Variants in ST8SIA6 observed in about 807,000 individuals in gnomAD.
ST8SIA6 encodes the protein alpha-2,8-sialyltransferase 8F.
ST8SIA6 carries 39 observed loss-of-function variants against 33.6 expected under a neutral mutation model. That is an observed-to-expected ratio of 1.16 (90% CI 0.90 to 1.52). The LOEUF (loss-of-function observed/expected upper bound fraction) is 1.52, where lower values mean the gene tolerates loss of function less well. Among genes scored for constraint, ST8SIA6 ranks in the 40% most tolerant of loss-of-function variants. ST8SIA6 has a pLI of 0.00. For synonymous variants in ST8SIA6, 172 were observed against 167.2 expected, an observed-to-expected ratio of 1.03 and a Z score of -0.22; for missense variants, 441 against 443.8, an observed-to-expected ratio of 0.99 and a Z score of 0.06.
chr10:17,421,228 G>T (rs767531276), intron 2 of ST8SIA6, among the ~76,000 whole-genome samples: 1 of 152,152 alleles, frequency 6.6e-6, no homozygotes, highest in South Asian at 2.1e-4. Flanking sequence ...CCAGCCTCAA[G>T]CCCCCTGTGG....
chr10:17,335,796 T>C (rs1848481287), intron 4 of ST8SIA6, among the ~76,000 whole-genome samples: 1 of 152,226 alleles, frequency 6.6e-6, no homozygotes, highest in Non-Finnish European at 1.5e-5. Flanking sequence ...TTAGTGGCTC[T>C]TTTATCCAGC....
At chr10:17,431,794 T>C (rs1330546102) in intron 2 of ST8SIA6, among the ~76,000 whole-genome samples, 74 of 151,482 alleles carry the variant, frequency 4.9e-4, no homozygotes, top group Admixed American at 4.8e-3. Flanking sequence ...CTATATGCCA[T>C]TATTATTCCA....
intron 4 of ST8SIA6, among the ~76,000 whole-genome samples, chr10:17,348,082 A>G (rs2131604799): frequency 1.4e-5 from 2 of 143,354 alleles, no homozygotes; most frequent in East Asian, 2.0e-4. Flanking sequence ...TAATTTGCAG[A>G]CAAAAAAAAA....
At chr10:17,450,062 G>T (rs1345650625) in intron 2 of ST8SIA6, among the ~76,000 whole-genome samples, 1 of 152,124 alleles carries the variant, frequency 6.6e-6, no homozygotes, top group African/African-American at 2.4e-5. Flanking sequence ...TTTAGATGAG[G>T]CCCAGAAATA....
At chr10:17,374,867 GT>G (rs1849858853) in intron 3 of ST8SIA6, among the ~76,000 whole-genome samples, 1 of 151,626 alleles carries the variant, frequency 6.6e-6, no homozygotes, top group South Asian at 2.1e-4. Flanking sequence ...AGAATGTAGT[GT>G]GTTGGTATGA....
intron 3 of ST8SIA6, among the ~76,000 whole-genome samples, chr10:17,386,521 G>A (rs1850355037): frequency 6.6e-6 from 1 of 152,170 alleles, no homozygotes. Context: ...CCTGGGTGAC[G>A]GTGAGACTGT....
chr10:17,396,580 C>T (rs527280770), intron 2 of ST8SIA6, among the ~76,000 whole-genome samples: 13 of 152,230 alleles, frequency 8.5e-5, no homozygotes, highest in Admixed American at 7.8e-4. Context: ...AGAAATGCCT[C>T]CCCTCTCACA....
intron 3 of ST8SIA6, among the ~76,000 whole-genome samples, chr10:17,386,065 T>C (rs1175919921): frequency 6.6e-6 from 1 of 151,716 alleles, no homozygotes; most frequent in Non-Finnish European, 1.5e-5. Context: ...CCTGTCTTCC[T>C]GGCTATTCAG....
chr10:17,324,542 T>C (rs1848059435), intron 6 of ST8SIA6, among the ~76,000 whole-genome samples: 1 of 151,930 alleles, frequency 6.6e-6, no homozygotes, highest in Non-Finnish European at 1.5e-5. Flanking sequence ...TAGAATATCA[T>C]AGGAGACTCC....
chr10:17,367,702 T>C lies in ST8SIA6; in HGVS notation c.291-8102A>G, dbSNP rs530379515. ...AAATCTCCAGATGTATAAGAGAATA[T>C]TGAGAGATGAAAGTGACAATTTAGT... On this transcript the variant is annotated intron_variant, in intron 3 of 7. Coordinates refer to ENST00000377602, the MANE Select transcript of ST8SIA6 (RefSeq NM_001004470.3). Among the ~76,000 whole-genome samples, 15 of 152,334 alleles carry C rather than the reference T, an allele frequency of 9.8e-5. No individual in the cohort carries two copies. The South Asian group carries it at 2.9e-3, about 29-fold the overall frequency.
chr10:17,391,964 T>A (rs1349538206), intron 2 of ST8SIA6, among the ~76,000 whole-genome samples: 5 of 152,136 alleles, frequency 3.3e-5, no homozygotes, highest in African/African-American at 7.2e-5. Context: ...CAAAAAAAAA[T>A]CAACTATCTC....
At position 17,316,120 on chromosome 10, in the gene ST8SIA6, T is replaced by C. The variant is rs1245520896; in HGVS notation, c.*4758A>G. 6.6e-6 allele frequency among the ~76,000 whole-genome samples: 1 copy of C among 152,000 alleles called. No homozygotes were observed. The highest frequency in any genetic ancestry group is 6.6e-5 in the Admixed American group (1 of 15,246). On this transcript the variant is annotated 3_prime_UTR_variant, in exon 8 of 8. Transcript: ENST00000377602. ...TGTCAAAGGCTTGCTGTATTAAATA[T>C]AATAACATGTATATTTTTCTTCTTT...
intron 3 of ST8SIA6, among the ~76,000 whole-genome samples, chr10:17,367,940 C>A (rs942213818): frequency 3.3e-5 from 5 of 152,200 alleles, no homozygotes; most frequent in Non-Finnish European, 7.3e-5. Flanking sequence ...GCTGACCCTT[C>A]CCTCCCTCCT....
chr10:17,432,882 A>G (rs549555981), intron 2 of ST8SIA6, among the ~76,000 whole-genome samples: 1 of 152,216 alleles, frequency 6.6e-6, no homozygotes, highest in African/African-American at 2.4e-5. Context: ...ACTGTGTTCA[A>G]ATAAGACAAA....
rs918005447 is a variant in ST8SIA6, at chr10:17,419,011, A to G, written c.201-28391T>C. On this transcript the variant is annotated intron_variant, in intron 2 of 7. Coordinates refer to ENST00000377602, the MANE Select transcript of ST8SIA6 (RefSeq NM_001004470.3). The stretch of plus-strand genomic sequence containing the variant: ...TCCATCTCAAAAAAAAAAAAAAAAA[A>G]AAAAGAAAAATTTAGTCATGCTCAC... Among the ~76,000 whole-genome samples, 122 of 151,240 alleles carry G rather than the reference A, an allele frequency of 8.1e-4. 1 individual carries two copies. The highest frequency in any genetic ancestry group is 2.1e-3 in the Admixed American group (32 of 15,214).
At chr10:17,369,178 G>A (rs1490229148) in intron 3 of ST8SIA6, among the ~76,000 whole-genome samples, 2 of 151,910 alleles carry the variant, frequency 1.3e-5, no homozygotes, top group Admixed American at 6.5e-5. Context: ...AAACATCATC[G>A]CAGTCAATTT....
chr10:17,400,849 A>G (rs1029301552), intron 2 of ST8SIA6, among the ~76,000 whole-genome samples: 1 of 152,222 alleles, frequency 6.6e-6, no homozygotes, highest in African/African-American at 2.4e-5. Context: ...AACTGGAAGC[A>G]TTCTCTTTGA....
chr10:17,397,515 G>A (rs1014874733), intron 2 of ST8SIA6, among the ~76,000 whole-genome samples: 3 of 152,082 alleles, frequency 2.0e-5, no homozygotes, highest in Admixed American at 6.6e-5. Flanking sequence ...GATTACAGGC[G>A]TGAGCCACCG....
At chr10:17,363,761 A>G (rs1849470724) in intron 3 of ST8SIA6, among the ~76,000 whole-genome samples, 1 of 152,210 alleles carries the variant, frequency 6.6e-6, no homozygotes, top group African/African-American at 2.4e-5. Context: ...TTGACAAATC[A>G]GGTTTCTCTG....
Sources: gnomAD v4.1 joint callset for allele counts (sites outside exome capture counted in the v4.1 genomes callset) on GRCh38, gnomAD v4.1.1 for gene constraint, MANE v1.5 for transcripts, NCBI Gene and HGNC (gene_info 2026-07-23, HGNC 2026-07-21) for gene names.